Variants in CTNNAL1 observed in about 807,000 individuals in gnomAD.
The protein encoded by CTNNAL1 is alpha-catulin.
Under a neutral mutation model 93.6 loss-of-function variants are expected in CTNNAL1, and 69 were observed. That is an observed-to-expected ratio of 0.74 (90% CI 0.61 to 0.90). CTNNAL1 has a LOEUF of 0.90. Ranked by LOEUF, CTNNAL1 falls within the 40% of genes least tolerant of loss-of-function variation. CTNNAL1 has a pLI of 0.00. For synonymous variants in CTNNAL1, 286 were observed against 305.4 expected (o/e 0.94, Z 0.66); for missense variants, 836 against 862.0 (o/e 0.97, Z 0.38).
chr9:108,965,889 C>T (rs1007137228), intron 10 of CTNNAL1, among the ~76,000 whole-genome samples: 17 of 152,114 alleles, frequency 1.1e-4, no homozygotes, highest in African/African-American at 3.4e-4. Flanking sequence ...GCAAAGGTAG[C>T]AGTAATAGTG....
At chr9:108,988,457 G>C (rs1222568134) in intron 4 of CTNNAL1, among the ~76,000 whole-genome samples, 18 of 152,162 alleles carry the variant, frequency 1.2e-4, no homozygotes, top group Admixed American at 1.0e-3. Flanking sequence ...ATAGCCTCTT[G>C]AGTGGTCTCC....
chr9:109,004,773 G>A (rs533730810), intron 1 of CTNNAL1, among the ~76,000 whole-genome samples: 31 of 151,612 alleles, frequency 2.0e-4, no homozygotes, highest in Admixed American at 9.9e-4. Context: ...GTGACAGAGC[G>A]AGACTCTGTC....
Position 108,972,748 on chromosome 9 carries a change from C to CTAAAAG in CTNNAL1, c.1273_1274insCTTTTA (p.Gly425delinsAlaPheArg). 6.3e-7 allele frequency: 1 copy of CTAAAAG among 1,592,380 alleles called. No individual in the cohort carries two copies. The highest frequency in any genetic ancestry group is 8.6e-7 in the Non-Finnish European group (1 of 1,167,886). ...CAAAGCTTCTAAATTTCCTTCTACT[C>CTAAAAG]CAGTAAGTTTTAATGCTTTTAGAAC... is the stretch of plus-strand genomic sequence containing the variant. On this transcript the variant is annotated protein_altering_variant, in exon 9 of 19. Transcript: ENST00000325551.
chr9:109,009,007 A>G (rs1240896130), intron 1 of CTNNAL1, among the ~76,000 whole-genome samples: 2 of 141,514 alleles, frequency 1.4e-5, no homozygotes, highest in African/African-American at 5.3e-5. Context: ...CAATCCTCCC[A>G]CCTCAGCCTC....
intron 12 of CTNNAL1, among the ~76,000 whole-genome samples, chr9:108,954,535 G>C (rs1406050468): frequency 6.6e-6 from 1 of 152,152 alleles, no homozygotes; most frequent in Non-Finnish European, 1.5e-5. Flanking sequence ...CTTAAACCCA[G>C]TAGGATATTA....
At chr9:108,959,211 A>T (rs1196506601) in intron 11 of CTNNAL1, among the ~76,000 whole-genome samples, 6 of 151,356 alleles carry the variant, frequency 4.0e-5, no homozygotes, top group Non-Finnish European at 8.8e-5. Flanking sequence ...TACAAAAAAA[A>T]AAAATTAGCC....
In CTNNAL1 at chr9:108,944,040, AC is replaced by A. The variant is rs374610805; in HGVS notation, c.1885-23del. ...AAACCTGGTAGAAAGAGAAAACACC[AC>A]TATTTTAGACTGATGTCTATGGATA... On this transcript the variant is annotated intron_variant, in intron 15 of 18. Coordinates refer to ENST00000325551, the MANE Select transcript of CTNNAL1 (RefSeq NM_003798.4). 22 of 1,593,426 alleles carry A rather than the reference AC, an allele frequency of 1.4e-5. 1 individual carries two copies. The African/African-American group carries it at 1.6e-4, about 12-fold the overall frequency.
intron 11 of CTNNAL1, among the ~76,000 whole-genome samples, chr9:108,959,722 AC>A (rs954998616): frequency 6.6e-6 from 1 of 152,246 alleles, no homozygotes; most frequent in African/African-American, 2.4e-5. Flanking sequence ...TATACTTAGT[AC>A]AGATCTGATA....
At chr9:109,002,406 T>C (rs1404236531) in intron 1 of CTNNAL1, among the ~76,000 whole-genome samples, 1 of 152,168 alleles carries the variant, frequency 6.6e-6, no homozygotes, top group Admixed American at 6.5e-5. Context: ...AATCAGGCCA[T>C]AGCAGAAGCG....
intron 8 of CTNNAL1, among the ~76,000 whole-genome samples, chr9:108,973,584 C>G (rs942897512): frequency 2.0e-5 from 3 of 151,734 alleles, no homozygotes; most frequent in African/African-American, 7.3e-5. Flanking sequence ...TAACACGAAC[C>G]CCATGGTTTT....
In CTNNAL1 at chr9:108,999,126, T is replaced by C. The variant is rs28361109; in HGVS notation, c.272A>G (p.Asn91Ser). The C allele has an allele frequency of 2.5e-6, 4 of 1,612,716 alleles. No homozygotes were observed. The highest frequency in any genetic ancestry group is 1.7e-5 in the Admixed American group (1 of 59,786). ...TTCTTCTTTCAAATCCCAGTTTTCA[T>C]TGGCTATAGCTTCTCCTACTTTAAC... ...RFVKVGEAIA[N>S]ENWDLKEEIN... The change falls in exon 2 of 19, where the codon AAT (asparagine) becomes AGT (serine). Residue 91 changes from asparagine (N) to serine (S), a missense_variant. Physicochemically the swap from Asn to Ser is conservative, Grantham distance 46 (BLOSUM62 1). Coordinates refer to ENST00000325551, the MANE Select transcript of CTNNAL1 (RefSeq NM_003798.4).
At chr9:108,964,842 T>TATTTATTTA (rs1830911140) in intron 11 of CTNNAL1, among the ~76,000 whole-genome samples, 2 of 136,134 alleles carry the variant, frequency 1.5e-5, no homozygotes, top group African/African-American at 7.0e-5. Flanking sequence ...ATGCTGTTTG[T>TATTTATTTA]TTTATTTATT....
chr9:108,945,406 C>A (rs1416070608), intron 15 of CTNNAL1, among the ~76,000 whole-genome samples: 1 of 151,802 alleles, frequency 6.6e-6, no homozygotes, highest in Non-Finnish European at 1.5e-5. Context: ...GGAACTCTAA[C>A]CTTTTAAAAT....
rs570855398 is a variant in CTNNAL1 at position 108,952,972 on chromosome 9, A to G, written c.1630-478T>C. Among the ~76,000 whole-genome samples, 3 of 152,328 alleles carry G rather than the reference A, an allele frequency of 2.0e-5. No homozygotes were observed. The East Asian group carries it at 5.8e-4, about 29-fold the overall frequency. On this transcript the variant is annotated intron_variant, in intron 12 of 18. Coordinates refer to ENST00000325551, the MANE Select transcript of CTNNAL1 (RefSeq NM_003798.4). The stretch of plus-strand genomic sequence containing the variant: ...ATGACTCCAGAATTCAATTCCTTTA[A>G]CTAATTTGCTCTTGGAAGGCTAAAT...
chr9:109,002,749 C>T (rs1002454851), intron 1 of CTNNAL1, among the ~76,000 whole-genome samples: 16 of 151,720 alleles, frequency 1.1e-4, no homozygotes, highest in African/African-American at 2.7e-4. Context: ...TTTGGGAGGC[C>T]GAGGCAGGCA....
intron 10 of CTNNAL1, 55 bp downstream of exon 10, chr9:108,970,347 G>T: frequency 6.7e-7 from 1 of 1,487,192 alleles, no homozygotes; most frequent in South Asian, 1.4e-5. Flanking sequence ...CACACAACTT[G>T]TTATAACACT....
chr9:109,004,556 G>C lies in CTNNAL1; in HGVS notation c.142-5300C>G, dbSNP rs543938139. On this transcript the variant is annotated intron_variant, in intron 1 of 18. Coordinates refer to ENST00000325551, the MANE Select transcript of CTNNAL1 (RefSeq NM_003798.4). ...TAATCCCAGCACTTTGGGAGGCCAAGGTGGGCGGATCACGAGGTCAGGAAT... is the reference window on the plus strand; with the variant it reads ...TAATCCCAGCACTTTGGGAGGCCAACGTGGGCGGATCACGAGGTCAGGAAT... Among the ~76,000 whole-genome samples, 200 of 152,268 alleles carry C rather than the reference G, an allele frequency of 1.3e-3. 2 individuals are homozygous for C. The highest frequency in any genetic ancestry group is 4.4e-3 in the African/African-American group (182 of 41,530).
Position 108,972,339 on chromosome 9 carries a change from G to T in CTNNAL1, c.1347+336C>A, listed in dbSNP as rs565222137. On this transcript the variant is annotated intron_variant, in intron 9 of 18. Transcript: ENST00000325551. ...CTCTTCAAATTGTCCTAATTTGAGT[G>T]TGTCATCTCCTCCCTGCTGAGACCC... 3.3e-5 allele frequency among the ~76,000 whole-genome samples: 5 copies of T among 152,244 alleles called. No homozygotes were observed. The South Asian group carries it at 6.2e-4, about 19-fold the overall frequency.
intron 1 of CTNNAL1, among the ~76,000 whole-genome samples, chr9:109,005,536 C>T (rs1003214515): frequency 3.3e-5 from 5 of 152,228 alleles, no homozygotes; most frequent in Middle Eastern, 3.4e-3. Flanking sequence ...AAAGCTCTCT[C>T]ACTCATTTCC....
Sources: allele counts gnomAD v4.1 joint callset (sites outside exome capture counted in the v4.1 genomes callset), GRCh38; gene constraint gnomAD v4.1.1; transcripts MANE v1.5; gene names NCBI Gene and HGNC (gene_info 2026-07-23, HGNC 2026-07-21).